Variants in TRIO observed in about 807,000 individuals in gnomAD.
The protein encoded by TRIO is trio Rho guanine nucleotide exchange factor, also known as triple functional domain protein.
A neutral mutation model predicts 351.9 loss-of-function variants in TRIO; 58 were observed. That is an observed-to-expected ratio of 0.16 (90% CI 0.13 to 0.21). The LOEUF is 0.21. Among genes scored for constraint, TRIO ranks in the 10% least tolerant of loss-of-function variants. The probability of loss-of-function intolerance (pLI) is 1.00; values close to 1 mark genes in which losing one functional copy is unlikely to be tolerated. For synonymous variants in TRIO, 1,758 were observed against 1,595.7 expected, an observed-to-expected ratio of 1.10 and a Z score of -2.42; for missense variants, 3,201 against 4,027.8, an observed-to-expected ratio of 0.79 and a Z score of 5.56.
At chr5:14,260,332 C>G (rs77824331) in intron 1 of TRIO, among the ~76,000 whole-genome samples, 3,995 of 152,348 alleles carry the variant, frequency 0.026, 99 homozygotes, top group Non-Finnish European at 0.037. Context: ...TCAGCTCTTA[C>G]TGTTTACACA....
chr5:14,239,574 G>T (rs1043153905), intron 1 of TRIO, among the ~76,000 whole-genome samples: 2 of 152,182 alleles, frequency 1.3e-5, no homozygotes, highest in African/African-American at 4.8e-5. Flanking sequence ...CTCATCAGAT[G>T]CTGCTGCCCC....
intron 1 of TRIO, among the ~76,000 whole-genome samples, chr5:14,262,797 GGGGAGCAGGTTTGT>G (rs1193295645): frequency 6.6e-6 from 1 of 152,036 alleles, no homozygotes; most frequent in Non-Finnish European, 1.5e-5. Flanking sequence ...CCTACACTGT[GGGGAGCAGGTTTGT>G]GGGCATGAGC....
intron 1 of TRIO, among the ~76,000 whole-genome samples, chr5:14,153,561 A>G (rs754708480): frequency 2.3e-4 from 35 of 152,276 alleles, no homozygotes; most frequent in Non-Finnish European, 4.0e-4. Context: ...GGCACTGTGC[A>G]GAGTGTTTTA....
rs111250260 is a variant in TRIO at position 14,161,581 on chromosome 5, A to G, written c.157+17699A>G. Among the ~76,000 whole-genome samples, 124 of 152,236 alleles carry G rather than the reference A, an allele frequency of 8.1e-4. 2 individuals carry two copies. The highest frequency in any genetic ancestry group is 2.9e-3 in the African/African-American group (121 of 41,540). The stretch of plus-strand genomic sequence containing the variant: ...CAGTCCCCAGGTAGAAGTGCAGTAG[A>G]TGGTTGTTGTGATTTATGCCTGTGG... On this transcript the variant is annotated intron_variant, in intron 1 of 56. Coordinates refer to ENST00000344204, the MANE Select transcript of TRIO (RefSeq NM_007118.4).
chr5:14,454,261 G>C (rs1314505443), intron 34 of TRIO, among the ~76,000 whole-genome samples: 2 of 152,146 alleles, frequency 1.3e-5, no homozygotes, highest in African/African-American at 4.8e-5. Flanking sequence ...TCTCAGGTCA[G>C]TTCTGTCCTG....
At chr5:14,492,421 G>A in intron 48 of TRIO, 146 bp from the exon 49 acceptor site, 3 of 1,055,782 alleles carry the variant, frequency 2.8e-6, no homozygotes, top group Non-Finnish European at 2.7e-6. Context: ...GAGGGTAAAG[G>A]AAATGTTGAA....
At chr5:14,281,541 T>C (rs967076027) in intron 3 of TRIO, among the ~76,000 whole-genome samples, 1 of 151,122 alleles carries the variant, frequency 6.6e-6, no homozygotes, top group Non-Finnish European at 1.5e-5. Context: ...CACCAATTAA[T>C]ATCTCCATTT....
At chr5:14,399,815 G>T (rs1437976631) in intron 30 of TRIO, among the ~76,000 whole-genome samples, 1 of 152,170 alleles carries the variant, frequency 6.6e-6, no homozygotes, top group Non-Finnish European at 1.5e-5. Flanking sequence ...GCTTATTCAT[G>T]CAGGGTCGCT....
At chr5:14,225,142 T>C (rs1319595728) in intron 1 of TRIO, among the ~76,000 whole-genome samples, 3 of 152,020 alleles carry the variant, frequency 2.0e-5, no homozygotes, top group Non-Finnish European at 4.4e-5. Flanking sequence ...AGAGAATCAG[T>C]GTAGAGTTAT....
Position 14,471,305 on chromosome 5 carries a change from C to T in TRIO, c.5764-13C>T, listed in dbSNP as rs745755745. ...GGGCAGTAAGTGTTGTTGATTATGT[C>T]AATTTCTTCCAGGCACTGGAGGATC... On this transcript the variant is annotated splice_polypyrimidine_tract_variant and intron_variant, in intron 37 of 56. Transcript: ENST00000344204. 1.9e-5 allele frequency: 31 copies of T among 1,612,614 alleles called. No individual in the cohort carries two copies. In the East Asian group the frequency reaches 6.7e-4, roughly 35 times the overall value.
chr5:14,316,230 G>A (rs1226842356), intron 8 of TRIO, among the ~76,000 whole-genome samples: 1 of 152,192 alleles, frequency 6.6e-6, no homozygotes, highest in East Asian at 1.9e-4. Flanking sequence ...CTACTACAGT[G>A]TTTTGTAGTA....
chr5:14,391,447 A>G (rs999704494), intron 27 of TRIO, among the ~76,000 whole-genome samples: 2 of 152,248 alleles, frequency 1.3e-5, no homozygotes, highest in Admixed American at 1.3e-4. Flanking sequence ...AAAACAACCT[A>G]CCAGTAAAGT....
At chr5:14,279,651 G>T (rs1330757632) in intron 2 of TRIO, among the ~76,000 whole-genome samples, 2 of 152,224 alleles carry the variant, frequency 1.3e-5, no homozygotes, top group Admixed American at 1.3e-4. Flanking sequence ...CGTTCTGCCT[G>T]CCTGTCTGTC....
At chr5:14,370,715 G>A (rs561895034) in intron 18 of TRIO, among the ~76,000 whole-genome samples, 6 of 152,210 alleles carry the variant, frequency 3.9e-5, no homozygotes, top group Middle Eastern at 3.4e-3. Flanking sequence ...CAGTTTCCAC[G>A]GTCATTAGTT....
chr5:14,194,532 A>G (rs1478411044), intron 1 of TRIO, among the ~76,000 whole-genome samples: 1 of 152,202 alleles, frequency 6.6e-6, no homozygotes, highest in Non-Finnish European at 1.5e-5. Flanking sequence ...ATATCTAGCT[A>G]GTAACTTAGC....
At chr5:14,245,035 C>T (rs1030715496) in intron 1 of TRIO, among the ~76,000 whole-genome samples, 1 of 152,192 alleles carries the variant, frequency 6.6e-6, no homozygotes, top group Non-Finnish European at 1.5e-5. Context: ...CTACAGCAAA[C>T]AGTAAAATAT....
intron 33 of TRIO, among the ~76,000 whole-genome samples, chr5:14,408,449 T>C (rs758079783): frequency 3.9e-5 from 6 of 152,188 alleles, no homozygotes; most frequent in Admixed American, 6.5e-5. Flanking sequence ...CAAGGCCCTA[T>C]GTATTGGCAT....
At position 14,309,570 on chromosome 5, in the gene TRIO, C is replaced by G. The variant is rs550756292; in HGVS notation, c.1500+4978C>G. On this transcript the variant is annotated intron_variant, in intron 8 of 56. Transcript: ENST00000344204. ...GCTTAAAATGCAGCAGTACTCTACC[C>G]CAGAGATAGTGAATCTCCATTTTCA... 3.3e-5 allele frequency among the ~76,000 whole-genome samples: 5 copies of G among 152,336 alleles called. No individual in the cohort carries two copies. The East Asian group carries it at 7.7e-4, about 24-fold the overall frequency.
intron 11 of TRIO, among the ~76,000 whole-genome samples, chr5:14,349,602 C>G (rs2152329891): frequency 1.3e-5 from 2 of 152,328 alleles, no homozygotes; most frequent in Middle Eastern, 6.8e-3. Flanking sequence ...AGTGGCAGTT[C>G]TACAAGATGA....
Sources: gnomAD v4.1 joint callset for allele counts (sites outside exome capture counted in the v4.1 genomes callset) on GRCh38, gnomAD v4.1.1 for gene constraint, MANE v1.5 for transcripts, NCBI Gene and HGNC (gene_info 2026-07-23, HGNC 2026-07-21) for gene names.